The following FGGY variants were observed in gnomAD, a reference collection of about 807,000 sequenced individuals.
FGGY encodes the protein FGGY carbohydrate kinase domain-containing protein.
FGGY carries 72 observed loss-of-function variants against 71.3 expected under a neutral mutation model. The ratio of observed to expected loss-of-function variants is 1.01; its 90% confidence interval spans 0.84 to 1.23. The LOEUF (loss-of-function observed/expected upper bound fraction) is 1.23. Among genes scored for constraint, FGGY ranks in the 50% most tolerant of loss-of-function variants. The probability of loss-of-function intolerance (pLI) is 0.00; values close to 1 mark genes in which losing one functional copy is unlikely to be tolerated. For missense variants in FGGY, 668 were observed against 682.3 expected, an observed-to-expected ratio of 0.98 and a Z score of 0.23; for synonymous variants, 251 against 250.3, an observed-to-expected ratio of 1.00 and a Z score of -0.02.
At chr1:59,617,892 TGTGA>T (rs1272523395) in intron 9 of FGGY, among the ~76,000 whole-genome samples, 1 of 152,072 alleles carries the variant, frequency 6.6e-6, no homozygotes, top group Non-Finnish European at 1.5e-5. Context: ...ATGTGTACAT[TGTGA>T]GTGTCTATCT....
At chr1:59,381,486 A>G (rs546206719) in intron 5 of FGGY, among the ~76,000 whole-genome samples, 128 of 152,220 alleles carry the variant, frequency 8.4e-4, no homozygotes, top group African/African-American at 3.0e-3. Flanking sequence ...AAACATACAC[A>G]TTATCCAAGG....
intron 5 of FGGY, among the ~76,000 whole-genome samples, chr1:59,441,499 T>C (rs2069870749): frequency 6.6e-6 from 1 of 152,228 alleles, no homozygotes; most frequent in South Asian, 2.1e-4. Flanking sequence ...CTTAGCAGTG[T>C]CTTAAAGTGG....
At chr1:59,539,138 C>T (rs1012090826) in intron 7 of FGGY, among the ~76,000 whole-genome samples, 4 of 151,884 alleles carry the variant, frequency 2.6e-5, no homozygotes, top group Admixed American at 6.6e-5. Context: ...ATAAATAAAT[C>T]GAGGGATATA....
chr1:59,484,868 T>C (rs1043516503), intron 6 of FGGY, among the ~76,000 whole-genome samples: 1 of 152,186 alleles, frequency 6.6e-6, no homozygotes, highest in Non-Finnish European at 1.5e-5. Flanking sequence ...CTAAAAAACA[T>C]GATTCTATTC....
At chr1:59,450,044 C>T (rs529162639) in intron 5 of FGGY, among the ~76,000 whole-genome samples, 70 of 152,294 alleles carry the variant, frequency 4.6e-4, no homozygotes, top group Non-Finnish European at 7.5e-4. Context: ...TCTCTGCCTT[C>T]GCACTGGAGA....
At chr1:59,388,889 T>C (rs1327413338) in intron 5 of FGGY, among the ~76,000 whole-genome samples, 1 of 152,184 alleles carries the variant, frequency 6.6e-6, no homozygotes, top group Non-Finnish European at 1.5e-5. Context: ...CTAAAACTTA[T>C]TTATCACCCC....
intron 8 of FGGY, among the ~76,000 whole-genome samples, chr1:59,600,865 G>T (rs989205702): frequency 6.6e-6 from 1 of 152,006 alleles, no homozygotes; most frequent in African/African-American, 2.4e-5. Context: ...ATAAGATATG[G>T]CTCCTCACTA....
intron 14 of FGGY, among the ~76,000 whole-genome samples, chr1:59,689,461 A>C (rs2097572133): frequency 1.3e-5 from 2 of 152,182 alleles, no homozygotes; most frequent in African/African-American, 4.8e-5. Flanking sequence ...CAGATCAATT[A>C]GGAATTTGAT....
At chr1:59,542,403 C>T (rs2095454298) in intron 7 of FGGY, among the ~76,000 whole-genome samples, 1 of 144,720 alleles carries the variant, frequency 6.9e-6, no homozygotes, top group South Asian at 2.2e-4. Flanking sequence ...GAACGTGTGA[C>T]AGCACTGTTC....
intron 8 of FGGY, among the ~76,000 whole-genome samples, chr1:59,563,044 C>T (rs558479542): frequency 6.6e-6 from 1 of 152,194 alleles, no homozygotes; most frequent in Non-Finnish European, 1.5e-5. Context: ...ATCTGCAAAC[C>T]GAGATAATTT....
At chr1:59,761,947 C>T (rs1196641014) in intron 15 of FGGY, among the ~76,000 whole-genome samples, 1 of 152,188 alleles carries the variant, frequency 6.6e-6, no homozygotes, top group African/African-American at 2.4e-5. Flanking sequence ...AAAGAGTCTC[C>T]ATTAAGTCCG....
intron 8 of FGGY, among the ~76,000 whole-genome samples, chr1:59,570,028 T>C (rs372912066): frequency 1.8e-4 from 27 of 152,304 alleles, no homozygotes; most frequent in South Asian, 1.7e-3. Flanking sequence ...CTAATTTCCA[T>C]TGTGACTGTG....
At chr1:59,724,181 A>C (rs937628749) in intron 14 of FGGY, among the ~76,000 whole-genome samples, 1 of 150,496 alleles carries the variant, frequency 6.6e-6, no homozygotes, top group African/African-American at 2.5e-5. Flanking sequence ...AATTAAAGTT[A>C]AAAATCCCCC....
chr1:59,382,080 C>A (rs1371426631), intron 5 of FGGY, among the ~76,000 whole-genome samples: 1 of 152,082 alleles, frequency 6.6e-6, no homozygotes, highest in African/African-American at 2.4e-5. Context: ...GTTGAACAAA[C>A]CTGTGAAGAA....
chr1:59,605,369 C>T (rs1181116054), intron 8 of FGGY, among the ~76,000 whole-genome samples: 3 of 152,142 alleles, frequency 2.0e-5, no homozygotes, highest in African/African-American at 7.2e-5. Context: ...GCCAAACCTG[C>T]GTAATTGTTC....
chr1:59,653,121 C>G (rs889121688), intron 11 of FGGY, among the ~76,000 whole-genome samples: 1 of 152,208 alleles, frequency 6.6e-6, no homozygotes, highest in Non-Finnish European at 1.5e-5. Context: ...CTCAGATCTC[C>G]AGCTGCGTGC....
intron 7 of FGGY, among the ~76,000 whole-genome samples, chr1:59,525,781 T>G (rs923998782): frequency 6.6e-6 from 1 of 152,234 alleles, no homozygotes; most frequent in African/African-American, 2.4e-5. Flanking sequence ...AACTCCCATT[T>G]AAACATATGT....
chr1:59,377,236 C>G (rs1003710186), intron 4 of FGGY, among the ~76,000 whole-genome samples: 1 of 152,026 alleles, frequency 6.6e-6, no homozygotes, highest in African/African-American at 2.4e-5. Flanking sequence ...GAAAGAAAGA[C>G]TTTTGTATTA....
intron 5 of FGGY, among the ~76,000 whole-genome samples, chr1:59,422,502 C>T (rs1020204063): frequency 1.3e-5 from 2 of 151,852 alleles, no homozygotes; most frequent in Non-Finnish European, 2.9e-5. Context: ...TGAGACCAGC[C>T]TGGGCAACAT....
Sources: gnomAD v4.1 joint callset for allele counts (sites outside exome capture counted in the v4.1 genomes callset) on GRCh38, gnomAD v4.1.1 for gene constraint, MANE v1.5 for transcripts, NCBI Gene and HGNC (gene_info 2026-07-23, HGNC 2026-07-21) for gene names.